Variants in FHOD3 observed in about 807,000 individuals in gnomAD.
The protein encoded by FHOD3 is FH1/FH2 domain-containing protein 3.
In FHOD3, 90 loss-of-function variants were observed where a neutral mutation model predicts 173.0. The observed-to-expected ratio is 0.52, with a 90% CI of 0.44 to 0.62. The LOEUF (loss-of-function observed/expected upper bound fraction) is 0.62, where lower values mean the gene tolerates loss of function less well. FHOD3 is among the 20% of genes least tolerant of loss of function. The probability of loss-of-function intolerance (pLI) is 0.00; values close to 1 mark genes in which losing one functional copy is unlikely to be tolerated. For missense variants in FHOD3, 1,945 were observed against 2,034.7 expected (o/e 0.96, Z 0.85); for synonymous variants, 828 against 823.0 (o/e 1.01, Z -0.10).
chr18:36,348,004 C>G (rs2045948706), intron 1 of FHOD3, among the ~76,000 whole-genome samples: 1 of 152,192 alleles, frequency 6.6e-6, no homozygotes, highest in Admixed American at 6.5e-5. Flanking sequence ...TGCCCTGTAT[C>G]TTGTCCCTTT....
chr18:36,727,560 A>C (rs1466368678), intron 19 of FHOD3, among the ~76,000 whole-genome samples: 2 of 152,142 alleles, frequency 1.3e-5, no homozygotes, highest in Non-Finnish European at 2.9e-5. Flanking sequence ...TATGGGTGGA[A>C]GTGCTCTGCA....
chr18:36,597,270 C>T (rs1019338641), intron 7 of FHOD3, among the ~76,000 whole-genome samples: 4 of 152,128 alleles, frequency 2.6e-5, no homozygotes, highest in African/African-American at 9.7e-5. Flanking sequence ...TCCAAGACTC[C>T]ATCCATAGCC....
intron 1 of FHOD3, among the ~76,000 whole-genome samples, chr18:36,300,024 C>T (rs1336364642): frequency 6.6e-6 from 1 of 152,176 alleles, no homozygotes; most frequent in African/African-American, 2.4e-5. Flanking sequence ...GATGATCCAC[C>T]TTGATAGAAA....
chr18:36,443,595 A>T (rs2051277716), intron 3 of FHOD3, among the ~76,000 whole-genome samples: 1 of 152,170 alleles, frequency 6.6e-6, no homozygotes, highest in South Asian at 2.1e-4. Flanking sequence ...GAAATCAGCC[A>T]TTTCTCTAAG....
intron 18 of FHOD3, chr18:36,710,548 A>C (rs906078331): frequency 6.6e-6 from 1 of 152,188 alleles, no homozygotes; most frequent in African/African-American, 2.4e-5. Flanking sequence ...AATAGTTACT[A>C]TTTGGATTTT....
intron 1 of FHOD3, among the ~76,000 whole-genome samples, chr18:36,335,493 T>TAAAA (rs56991651): frequency 3.9e-5 from 5 of 129,020 alleles, no homozygotes; most frequent in African/African-American, 1.1e-4. Context: ...AGACTCCGTC[T>TAAAA]AAAAAAAAAA....
chr18:36,455,922 A>G (rs1237005130), intron 3 of FHOD3, among the ~76,000 whole-genome samples: 1 of 152,122 alleles, frequency 6.6e-6, no homozygotes, highest in African/African-American at 2.4e-5. Context: ...GGCTGGAACC[A>G]CTTGGCAGAC....
At chr18:36,471,601 G>T (rs1433330281) in intron 3 of FHOD3, among the ~76,000 whole-genome samples, 1 of 152,156 alleles carries the variant, frequency 6.6e-6, no homozygotes, top group Non-Finnish European at 1.5e-5. Flanking sequence ...GACTCCTTTT[G>T]TCCAGAGTGC....
intron 6 of FHOD3, among the ~76,000 whole-genome samples, chr18:36,592,519 C>T (rs2059257952): frequency 6.6e-6 from 1 of 152,206 alleles, no homozygotes; most frequent in East Asian, 1.9e-4. Flanking sequence ...CGGAGGCCAG[C>T]ACAGAAAGCC....
At position 36,355,642 on chromosome 18, in the gene FHOD3, C is replaced by T; in HGVS notation, c.269C>T (p.Ala90Val). ...GAGTTGGAAGGCTTCCAGGATGACG[C>T]CGGGTAAGAGCAACTGTTCACCCTG... ...RDELEGFQDD[A>V]GRGKKHSIIL... Residue 90 changes from alanine (A) to valine (V), a missense_variant, in exon 2 of 29, where the codon GCC (alanine) becomes GTC (valine). This residue lies in a region of FHOD3 where 245 missense variants were observed against 267.7 expected (regional missense o/e 0.92). Transcript: ENST00000590592. 6.2e-7 allele frequency: 1 copy of T among 1,613,842 alleles called. No individual in the cohort carries two copies. Among genetic ancestry groups the T allele is most frequent in the Non-Finnish European group, 8.5e-7 (1 of 1,179,780 alleles).
chr18:36,328,883 T>C (rs1359775065), intron 1 of FHOD3, among the ~76,000 whole-genome samples: 1 of 152,084 alleles, frequency 6.6e-6, no homozygotes, highest in Non-Finnish European at 1.5e-5. Context: ...TTTGTGTGTT[T>C]AAGGTGGGGC....
intron 7 of FHOD3, among the ~76,000 whole-genome samples, chr18:36,596,604 C>T (rs1391706528): frequency 2.6e-5 from 4 of 152,120 alleles, no homozygotes; most frequent in Non-Finnish European, 5.9e-5. Context: ...CATCCAGGAC[C>T]TTTAACTGGG....
chr18:36,397,441 T>C (rs1432225521), intron 3 of FHOD3, among the ~76,000 whole-genome samples: 1 of 152,224 alleles, frequency 6.6e-6, no homozygotes, highest in Non-Finnish European at 1.5e-5. Flanking sequence ...TATGGTGCTT[T>C]TGTTTTGCTT....
intron 24 of FHOD3, among the ~76,000 whole-genome samples, 178 bp from the exon 25 acceptor site, chr18:36,754,941 G>A (rs559121764): frequency 5.6e-4 from 84 of 150,468 alleles, no homozygotes; most frequent in Non-Finnish European, 9.9e-4. Context: ...ATGAAGGACA[G>A]TGTCTTCTTA....
intron 17 of FHOD3, among the ~76,000 whole-genome samples, chr18:36,705,883 A>G (rs762698450): frequency 1.3e-5 from 2 of 151,908 alleles, no homozygotes; most frequent in Non-Finnish European, 2.9e-5. Context: ...GTGGGTATAA[A>G]TGAGACGTTT....
At chr18:36,684,993 T>G (rs530375283) in intron 15 of FHOD3, among the ~76,000 whole-genome samples, 1 of 152,152 alleles carries the variant, frequency 6.6e-6, no homozygotes, top group African/African-American at 2.4e-5. Flanking sequence ...TTTGTAGAGA[T>G]GAGGTTTCAC....
chr18:36,758,058 G>A (rs2042707972), intron 25 of FHOD3, among the ~76,000 whole-genome samples: 1 of 152,170 alleles, frequency 6.6e-6, no homozygotes, highest in Admixed American at 6.5e-5. Flanking sequence ...TTTTATATAT[G>A]TAGCACCTTG....
Position 36,779,647 on chromosome 18 carries a change from G to C in FHOD3, c.*117G>C. The C allele has an allele frequency of 1.1e-6, 1 of 879,856 alleles. No individual in the cohort carries two copies. The highest frequency in any genetic ancestry group is 1.5e-5 in the South Asian group (1 of 66,666). The allele number at this position is 879,856 out of a possible 1,614,324, so 54.5% of individuals were successfully genotyped here. A position where few individuals can be genotyped will look rare whatever the true frequency, so the allele number is the denominator to read the frequency against. On this transcript the variant is annotated 3_prime_UTR_variant, in exon 29 of 29. Coordinates refer to ENST00000590592, the MANE Select transcript of FHOD3 (RefSeq NM_001281740.3). Reference sequence around the variant, plus strand: ...TCACATCCAACAGTTTGAAAAGGGAGAGCTCAATTCCCAGCGTCACCCCAT... The same window carrying C: ...TCACATCCAACAGTTTGAAAAGGGACAGCTCAATTCCCAGCGTCACCCCAT...
At chr18:36,503,558 A>G (rs892864955) in intron 4 of FHOD3, among the ~76,000 whole-genome samples, 20 of 152,058 alleles carry the variant, frequency 1.3e-4, no homozygotes, top group African/African-American at 4.1e-4. Context: ...TTTTCTTCCA[A>G]CAGCCATGGT....
Sources: allele counts gnomAD v4.1 joint callset (sites outside exome capture counted in the v4.1 genomes callset), GRCh38; gene constraint gnomAD v4.1.1; regional missense constraint gnomAD v4.1.1; transcripts MANE v1.5; gene names NCBI Gene and HGNC (gene_info 2026-07-23, HGNC 2026-07-21).